The following DYSF variants were observed in gnomAD, a reference collection of about 807,000 sequenced individuals.
DYSF encodes dysferlin.
DYSF carries 212 observed loss-of-function variants against 274.9 expected under a neutral mutation model. That is an observed-to-expected ratio of 0.77 (90% CI 0.69 to 0.86). DYSF has a LOEUF of 0.86. Among genes scored for constraint, DYSF ranks in the 40% least tolerant of loss-of-function variants. DYSF has a pLI of 0.00. For missense variants in DYSF, 2,666 were observed against 2,783.2 expected (o/e 0.96, Z 0.95); for synonymous variants, 1,091 against 1,078.7 (o/e 1.01, Z -0.22).
At chr2:71,556,131 C>T in intron 22 of DYSF, 60 bp downstream of exon 22, 1 of 1,399,282 alleles carries the variant, frequency 7.1e-7, no homozygotes, top group African/African-American at 1.4e-5. Flanking sequence ...GCCTGTTTCG[C>T]TGGGAGTGCT....
intron 44 of DYSF, among the ~76,000 whole-genome samples, 198 bp downstream of exon 44, chr2:71,659,231 T>TA (rs2152941412): frequency 6.6e-6 from 1 of 152,268 alleles, no homozygotes; most frequent in Non-Finnish European, 1.5e-5. Flanking sequence ...CCAGTGTCAG[T>TA]ACAGGACTTT....
At chr2:71,673,874 G>C (rs2095173110) in intron 51 of DYSF, among the ~76,000 whole-genome samples, 1 of 152,204 alleles carries the variant, frequency 6.6e-6, no homozygotes, top group Non-Finnish European at 1.5e-5. Flanking sequence ...TTAGTGGTCA[G>C]ACCTCAGGCA....
intron 17 of DYSF, among the ~76,000 whole-genome samples, chr2:71,543,744 CGCAGGCACTCG>C (rs753289240): frequency 4.5e-4 from 69 of 152,296 alleles, no homozygotes; most frequent in Middle Eastern, 3.4e-3. Context: ...CGCCTGCAAT[CGCAGGCACTCG>C]GCAGGCTGAG....
At chr2:71,594,522 AC>A (rs1225449733) in intron 32 of DYSF, among the ~76,000 whole-genome samples, 1 of 152,136 alleles carries the variant, frequency 6.6e-6, no homozygotes, top group Non-Finnish European at 1.5e-5. Flanking sequence ...CTCAAAGAAC[AC>A]ATTTTGGGAA....
chr2:71,504,319 C>T (rs2152717825), intron 4 of DYSF, among the ~76,000 whole-genome samples: 1 of 152,172 alleles, frequency 6.6e-6, no homozygotes, highest in South Asian at 2.1e-4. Context: ...GACTTTGCTC[C>T]CAAGGGGTCT....
Position 71,556,998 on chromosome 2 carries a change from G to C in DYSF, c.2216+927G>C, listed in dbSNP as rs868628478. Among the ~76,000 whole-genome samples, 45 of 152,216 alleles carry C rather than the reference G, an allele frequency of 3.0e-4. 1 individual carries two copies. Among genetic ancestry groups the C allele is most frequent in the Admixed American group, 2.6e-3 (39 of 15,290 alleles). On this transcript the variant is annotated intron_variant, in intron 22 of 55. Coordinates refer to ENST00000410020, the MANE Select transcript of DYSF (RefSeq NM_001130987.2). ...CCTTCTATTGTTTGTGGCTCAGTTA[G>C]GAAGTGTATCTTTATCAAAATATTA...
At chr2:71,685,285 C>A (rs2095343500) in intron 55 of DYSF, among the ~76,000 whole-genome samples, 1 of 152,230 alleles carries the variant, frequency 6.6e-6, no homozygotes, top group Non-Finnish European at 1.5e-5. Context: ...GGAAGTTGTC[C>A]TCTTTAAAAT....
rs968186247 is a variant in DYSF, at chr2:71,567,170, T to C, written c.2566-781T>C. ...AAGTAATTGTGGAGAATAATTTTTG[T>C]TTCATGTTGGGTTGTTGTGGTTATT... On this transcript the variant is annotated intron_variant, in intron 24 of 55. Coordinates refer to ENST00000410020, the MANE Select transcript of DYSF (RefSeq NM_001130987.2). Among the ~76,000 whole-genome samples, 3 of 152,222 alleles carry C rather than the reference T, an allele frequency of 2.0e-5. No individual in the cohort carries two copies. In the East Asian group the frequency reaches 5.8e-4, roughly 29 times the overall value.
chr2:71,571,324 A>T (rs1369849648), intron 29 of DYSF, among the ~76,000 whole-genome samples: 1 of 147,014 alleles, frequency 6.8e-6, no homozygotes, highest in Admixed American at 6.8e-5. Flanking sequence ...CACACCCAGC[A>T]CACGCACAGC....
At position 71,563,309 on chromosome 2, in the gene DYSF, C is replaced by T. The variant is rs147196549; in HGVS notation, c.2410-749C>T. 8.3e-3 allele frequency among the ~76,000 whole-genome samples: 1,269 copies of T among 152,272 alleles called. 14 individuals are homozygous for T. The highest frequency in any genetic ancestry group is 0.029 in the African/African-American group (1,206 of 41,552). On this transcript the variant is annotated intron_variant, in intron 23 of 55. Coordinates refer to ENST00000410020, the MANE Select transcript of DYSF (RefSeq NM_001130987.2). ...GGCTTGCTGTTGGGGTTCAGTGAAG[C>T]GACGCATGGGCATGCTTCACCTGTG...
chr2:71,601,962 C>T (rs1397627699), intron 35 of DYSF, among the ~76,000 whole-genome samples: 1 of 152,264 alleles, frequency 6.6e-6, no homozygotes, highest in African/African-American at 2.4e-5. Context: ...CCAGCAACCT[C>T]TGTATCAACT....
rs1319161349 is a variant in DYSF, at chr2:71,679,212, G to A, written c.6040G>A (p.Glu2014Lys). 2 of 1,613,928 alleles carry A rather than the reference G, an allele frequency of 1.2e-6. No individual in the cohort carries two copies. The highest frequency in any genetic ancestry group is 2.7e-5 in the African/African-American group (2 of 74,914). The change falls in exon 53 of 56, where the codon GAG becomes AAG. Residue 2014 changes from glutamate to lysine, a missense_variant. Physicochemically the swap from Glu to Lys is moderately conservative, Grantham distance 56 (BLOSUM62 1). Coordinates refer to ENST00000410020, the MANE Select transcript of DYSF (RefSeq NM_001130987.2). ...GGGCTGGTGGCCCTGTGTAGCAGAA[G>A]AGGGTGAGAAGAAAATACTGGCGGT... is the stretch of plus-strand genomic sequence containing the variant. Reference protein sequence around the residue: ...VKGWWPCVAEEGEKKILAGKL... With the variant: ...VKGWWPCVAEKGEKKILAGKL...
chr2:71,548,431 C>T (rs142980474), intron 17 of DYSF, among the ~76,000 whole-genome samples: 13 of 152,264 alleles, frequency 8.5e-5, no homozygotes, highest in African/African-American at 2.9e-4. Context: ...AACCACATCC[C>T]GGGTGTGCAC....
At chr2:71,587,652 A>G (rs2093116569) in intron 30 of DYSF, among the ~76,000 whole-genome samples, 2 of 152,222 alleles carry the variant, frequency 1.3e-5, no homozygotes, top group Non-Finnish European at 2.9e-5. Context: ...CTGTATAATT[A>G]TCCCAAATTT....
At chr2:71,491,224 AT>A (rs892843378) in intron 3 of DYSF, among the ~76,000 whole-genome samples, 1 of 152,182 alleles carries the variant, frequency 6.6e-6, no homozygotes, top group Non-Finnish European at 1.5e-5. Flanking sequence ...CAATCATTGT[AT>A]TTTGGGTTGC....
Position 71,454,066 on chromosome 2 carries a change from A to G in DYSF, c.68A>G (p.Tyr23Cys), listed in dbSNP as rs751600627. The change falls in exon 1 of 55, where the codon TAC becomes TGC. Residue 23 changes from tyrosine to cysteine, a missense_variant. Tyr to Cys is a radical substitution (Grantham distance 194, BLOSUM62 -2). Coordinates refer to the DYSF transcript ENST00000258104. The stretch of plus-strand genomic sequence containing the variant: ...CCCGACACCGACATCAGCGATGCCT[A>G]CTGCTCCGCGGTGTTTGCAGGTAGG... 6.2e-7 allele frequency: 1 copy of G among 1,614,044 alleles called. No homozygotes were observed. The highest frequency in any genetic ancestry group is 8.5e-7 in the Non-Finnish European group (1 of 1,179,988).
intron 32 of DYSF, among the ~76,000 whole-genome samples, chr2:71,594,703 T>C (rs933401216): frequency 6.6e-6 from 1 of 152,118 alleles, no homozygotes; most frequent in Non-Finnish European, 1.5e-5. Flanking sequence ...GTCTTTGGTG[T>C]GTTTACCCTT....
chr2:71,685,733 C>T (rs930513578), intron 55 of DYSF, among the ~76,000 whole-genome samples: 1 of 152,116 alleles, frequency 6.6e-6, no homozygotes, highest in African/African-American at 2.4e-5. Flanking sequence ...AGGCGTTTGG[C>T]GGGGAAGGAG....
At chr2:71,543,982 G>A (rs1559121224) in intron 17 of DYSF, among the ~76,000 whole-genome samples, 1 of 151,206 alleles carries the variant, frequency 6.6e-6, no homozygotes, top group Non-Finnish European at 1.5e-5. Context: ...GGGAGAGGGA[G>A]AGGGCTCAAG....
Sources: gnomAD v4.1 joint callset for allele counts (sites outside exome capture counted in the v4.1 genomes callset) on GRCh38, gnomAD v4.1.1 for gene constraint, MANE v1.5 for transcripts, NCBI Gene and HGNC (gene_info 2026-07-23, HGNC 2026-07-21) for gene names.